The following C6orf132 variants were observed in gnomAD, a reference collection of about 807,000 sequenced individuals.
The protein encoded by C6orf132 is chromosome 6 open reading frame 132, also known as uncharacterized protein C6orf132.
A neutral mutation model predicts 65.3 loss-of-function variants in C6orf132; 43 were observed. That is an observed-to-expected ratio of 0.66 (90% CI 0.52 to 0.85). The LOEUF is 0.85. C6orf132 is among the 40% of genes least tolerant of loss of function. C6orf132 has a pLI of 0.00. For synonymous variants in C6orf132, 631 were observed against 654.1 expected, an observed-to-expected ratio of 0.96 and a Z score of 0.54; for missense variants, 1,488 against 1,548.8, an observed-to-expected ratio of 0.96 and a Z score of 0.66.
In C6orf132 at chr6:42,106,501, G is replaced by A. The variant is rs985827803; in HGVS notation, c.1411C>T (p.Arg471Trp). Residue 471 changes from arginine (R) to tryptophan (W), a missense_variant, in exon 4 of 5, where the codon CGG becomes TGG. Transcript: ENST00000341865. The part of the protein sequence containing the change: ...WRDPSQMEKL[R>W]NELAAYLCGS... ...CAGAGATAGGCTGCCAGCTCGTTCC[G>A]CAGCTTTTCCATCTGGCTGGGGTCC... 25 of 1,536,256 alleles carry A rather than the reference G, an allele frequency of 1.6e-5. No individual in the cohort carries two copies. The highest frequency in any genetic ancestry group is 2.7e-5 in the African/African-American group (2 of 72,904).
chr6:42,105,912 A>T lies in C6orf132; in HGVS notation c.2000T>A (p.Leu667His), dbSNP rs866955110. ...GGCCTTGAGTGGTGTGGCTGGCCCAAGTGTGGCCTTGGGTGGTGTGGCTGG... is the reference window on the plus strand; with the variant it reads ...GGCCTTGAGTGGTGTGGCTGGCCCATGTGTGGCCTTGGGTGGTGTGGCTGG... ...LWPATPPKAT[L>H]GPATPLKATS... The change falls in exon 4 of 5, where the codon CTT becomes CAT. Residue 667 changes from leucine to histidine, a missense_variant. Coordinates refer to ENST00000341865, the MANE Select transcript of C6orf132 (RefSeq NM_001164446.3). 1.3e-6 allele frequency: 2 copies of T among 1,535,746 alleles called. No homozygotes were observed. The highest frequency in any genetic ancestry group is 4.9e-5 in the East Asian group (2 of 40,828).
intron 1 of C6orf132, among the ~76,000 whole-genome samples, chr6:42,133,845 G>A (rs1454868480): frequency 2.0e-5 from 2 of 99,554 alleles, no homozygotes; most frequent in East Asian, 2.4e-4. Context: ...GGGGCGGGGC[G>A]GGGGAGGTGG....
intron 1 of C6orf132, among the ~76,000 whole-genome samples, chr6:42,133,938 G>A (rs6940411): frequency 0.064 from 9,716 of 151,976 alleles, 398 homozygotes; most frequent in Middle Eastern, 0.12. Flanking sequence ...AACAATTCCT[G>A]GTGCCAAGCA....
Position 42,106,195 on chromosome 6 carries a change from G to C in C6orf132, c.1717C>G (p.Arg573Gly). ...VRQIRNELEA[R>G]LSSAAEKEAK... ...TCCTTCTCTGCTGCTGAGGAGAGCC[G>C]GGCCTCCAGCTCATTCCGGATCTGC... Residue 573 changes from arginine (R) to glycine (G), a missense_variant, in exon 4 of 5, where the codon CGG (arginine) becomes GGG (glycine). Arg to Gly is a moderately radical substitution (Grantham distance 125). Coordinates refer to ENST00000341865, the MANE Select transcript of C6orf132 (RefSeq NM_001164446.3). 2 of 1,537,222 alleles carry C rather than the reference G, an allele frequency of 1.3e-6. No homozygotes were observed. The highest frequency in any genetic ancestry group is 1.7e-6 in the Non-Finnish European group (2 of 1,146,902).
At position 42,106,376 on chromosome 6, in the gene C6orf132, C is replaced by T. The variant is rs1012551457; in HGVS notation, c.1536G>A (p.Lys512=). Residue 512 remains lysine (K), a synonymous_variant, in exon 4 of 5, where the codon AAG becomes AAA. Transcript: ENST00000341865. ...TTGCTGGCAGGCTCAGGAGAGTCTC[C>T]TTCTCAGGCAGGCGGGGGCCCTTCT... ...EGKKGPRLPE[K]ETLLSLPAKD... is the part of the protein sequence containing the mutation. 1 of 1,536,392 alleles carries T rather than the reference C, an allele frequency of 6.5e-7. No individual in the cohort carries two copies. Among genetic ancestry groups the T allele is most frequent in the African/African-American group, 1.4e-5 (1 of 73,108 alleles).
At chr6:42,131,425 G>A (rs1481609639) in intron 1 of C6orf132, among the ~76,000 whole-genome samples, 1 of 152,188 alleles carries the variant, frequency 6.6e-6, no homozygotes, top group African/African-American at 2.4e-5. Context: ...CATTATCCCT[G>A]TTTTACAGAT....
rs555498500 is a variant in C6orf132, at chr6:42,107,429, C to T, written c.483G>A (p.Ser161=). Residue 161 remains serine (S), a synonymous_variant, in exon 4 of 5, where the codon TCG becomes TCA. Coordinates refer to ENST00000341865, the MANE Select transcript of C6orf132 (RefSeq NM_001164446.3). ...PQDISEPPGG[S]PLPSPPSTAP... is the part of the protein sequence containing the mutation. The stretch of plus-strand genomic sequence containing the variant: ...CTGTGGAAGGTGGAGATGGCAGTGG[C>T]GACCCCCCTGGAGGTTCTGAAATGT... 1.5e-5 allele frequency: 22 copies of T among 1,508,948 alleles called. No homozygotes were observed. In the African/African-American group the frequency reaches 1.6e-4, roughly 11 times the overall value. The allele number at this position is 1,508,948 out of a possible 1,614,324, so 93.5% of individuals were successfully genotyped here.
chr6:42,115,005 C>CA (rs772119981), intron 2 of C6orf132, among the ~76,000 whole-genome samples: 8,975 of 99,018 alleles, frequency 0.091, 817 homozygotes, highest in African/African-American at 0.26. Flanking sequence ...GACTCTGTCT[C>CA]AAAAAAAAAA....
At position 42,104,367 on chromosome 6, in the gene C6orf132, C is replaced by T; in HGVS notation, c.3449+96G>A. The T allele has an allele frequency of 8.2e-7, 1 of 1,223,810 alleles. No homozygotes were observed. The highest frequency in any genetic ancestry group is 1.0e-6 in the Non-Finnish European group (1 of 983,194). The allele number at this position is 1,223,810 out of a possible 1,614,324, so 75.8% of individuals were successfully genotyped here. A position where few individuals can be genotyped will look rare whatever the true frequency, so the allele number is the denominator to read the frequency against. On this transcript the variant is annotated intron_variant, in intron 4 of 4. Coordinates refer to ENST00000341865, the MANE Select transcript of C6orf132 (RefSeq NM_001164446.3). This position sits in a 1 kb window ranked among gnomAD's most constrained non-coding sequence, Gnocchi z 4.1. ...ACCTGCAAGGCCGAAGGGAGAAAAC[C>T]AAATGTTTTCTCTTGACGGATGGCC... is the stretch of plus-strand genomic sequence containing the variant.
At position 42,106,123 on chromosome 6, in the gene C6orf132, C is replaced by G. The variant is rs1342374742; in HGVS notation, c.1789G>C (p.Gly597Arg). The part of the protein sequence containing the change: ...GSLPPKPRLE[G>R]GRICENGADD... ...GCCCCGTTTTCACAAATTCTTCCCC[C>G]TTCTAGCCGAGGCTTAGGGGGCAGA... Residue 597 changes from glycine to arginine, a missense_variant, in exon 4 of 5, where the codon GGG (glycine) becomes CGG (arginine). Coordinates refer to ENST00000341865, the MANE Select transcript of C6orf132 (RefSeq NM_001164446.3). The G allele has an allele frequency of 3.3e-6, 5 of 1,537,128 alleles. No homozygotes were observed. The highest frequency in any genetic ancestry group is 4.4e-6 in the Non-Finnish European group (5 of 1,146,920).
rs966627189 is a variant in C6orf132, at chr6:42,110,250, C to A, written c.294G>T (p.Ser98=). The A allele has an allele frequency of 1.3e-6, 2 of 1,547,982 alleles. No homozygotes were observed. The highest frequency in any genetic ancestry group is 1.4e-5 in the African/African-American group (1 of 72,938). ...ENHGLAVPTP[S]VPDDFADKEV... is the part of the protein sequence containing the mutation. ...CTTTGTCTGCAAAATCATCTGGAAC[C>A]GAGGGGGTGGGCACAGCCAGCCCAT... is the stretch of plus-strand genomic sequence containing the variant. The change falls in exon 3 of 5, where the codon TCG becomes TCT. Residue 98 remains serine, a synonymous_variant. Coordinates refer to ENST00000341865, the MANE Select transcript of C6orf132 (RefSeq NM_001164446.3).
chr6:42,142,586 AC>A lies in C6orf132; in HGVS notation c.-143del. 2.0e-6 allele frequency: 1 copy of A among 504,652 alleles called. No individual in the cohort carries two copies. 31.3% of individuals were successfully genotyped at this position (504,652 alleles called of 1,614,324 possible). A position where few individuals can be genotyped will look rare whatever the true frequency, so the allele number is the denominator to read the frequency against. ...GTCCTCCCCGCCCGCGCACCGGGCA[AC>A]AGGTGCTGCGGGCGCCGCCGCTTGC... On this transcript the variant is annotated 5_prime_UTR_variant, in exon 1 of 5. Coordinates refer to ENST00000341865, the MANE Select transcript of C6orf132 (RefSeq NM_001164446.3).
chr6:42,119,248 C>CAAAAAAAAAAAAAAAAAAAAAAAAAA (rs1156356191), intron 2 of C6orf132, among the ~76,000 whole-genome samples: 2 of 44,776 alleles, frequency 4.5e-5, no homozygotes, highest in African/African-American at 2.0e-4. Flanking sequence ...GACTCTGTCT[C>CAAAAAAAAAAAAAAAAAAAAAAAAAA]AAAAAAAAAA....
chr6:42,119,196 C>G (rs1390507013), intron 2 of C6orf132, among the ~76,000 whole-genome samples: 4 of 125,882 alleles, frequency 3.2e-5, no homozygotes, highest in Non-Finnish European at 6.3e-5. Flanking sequence ...TTGCAGTGAG[C>G]TGAGATTGCG....
chr6:42,111,165 C>T (rs1766488745), intron 2 of C6orf132, among the ~76,000 whole-genome samples: 1 of 151,764 alleles, frequency 6.6e-6, no homozygotes, highest in Non-Finnish European at 1.5e-5. Context: ...ATTCTGTCAC[C>T]TAAGCTGGAG....
chr6:42,114,558 C>T (rs1766537796), intron 2 of C6orf132, among the ~76,000 whole-genome samples: 2 of 152,236 alleles, frequency 1.3e-5, no homozygotes, highest in East Asian at 3.8e-4. Context: ...AATTGCTTCC[C>T]ACCCAGGCAG....
At chr6:42,127,882 A>G (rs1241938358) in intron 2 of C6orf132, among the ~76,000 whole-genome samples, 1 of 151,996 alleles carries the variant, frequency 6.6e-6, no homozygotes, top group East Asian at 1.9e-4. Context: ...AATGTAAAAT[A>G]GCCCATTAGT....
chr6:42,121,842 A>G (rs1766691255), intron 2 of C6orf132, among the ~76,000 whole-genome samples: 2 of 152,168 alleles, frequency 1.3e-5, no homozygotes, highest in South Asian at 4.1e-4. Flanking sequence ...CTGTGAGAAA[A>G]GGAAGCTGGG....
At chr6:42,133,253 A>AG (rs1204811929) in intron 1 of C6orf132, among the ~76,000 whole-genome samples, 2 of 152,192 alleles carry the variant, frequency 1.3e-5, no homozygotes, top group African/African-American at 4.8e-5. Context: ...GAGGAGGTGA[A>AG]GGGGGTGCCT....
Sources: allele counts gnomAD v4.1 joint callset (sites outside exome capture counted in the v4.1 genomes callset), GRCh38; gene constraint gnomAD v4.1.1; non-coding constraint Gnocchi (gnomAD v3.1); transcripts MANE v1.5; gene names NCBI Gene and HGNC (gene_info 2026-07-23, HGNC 2026-07-21).